The following PRKCB variants were observed in gnomAD, a reference collection of about 807,000 sequenced individuals.
The protein encoded by PRKCB is protein kinase C beta type.
A neutral mutation model predicts 81.5 loss-of-function variants in PRKCB; 13 were observed. That is an observed-to-expected ratio of 0.16 (90% CI 0.10 to 0.25). The LOEUF (loss-of-function observed/expected upper bound fraction) is 0.25. Ranked by LOEUF, PRKCB falls within the 10% of genes least tolerant of loss-of-function variation. The pLI, the probability that PRKCB is intolerant of heterozygous loss-of-function variation, is 1.00. For missense variants in PRKCB, 509 were observed against 875.7 expected (o/e 0.58, Z 5.29); for synonymous variants, 335 against 321.4 (o/e 1.04, Z -0.45).
intron 3 of PRKCB, among the ~76,000 whole-genome samples, chr16:24,011,519 T>G (rs921401130): frequency 6.6e-6 from 1 of 152,082 alleles, no homozygotes; most frequent in Non-Finnish European, 1.5e-5. Context: ...TTGTTTTGTT[T>G]TATTTTGTTT....
At chr16:23,843,790 CAAAAAAAAAAAAAAAAA>C (rs544908905) in intron 2 of PRKCB, among the ~76,000 whole-genome samples, 3 of 113,884 alleles carry the variant, frequency 2.6e-5, no homozygotes, top group East Asian at 4.7e-4. Context: ...GTATCTAGGC[CAAAAAAAAAAAAAAAAA>C]AAAAAAAAAA....
chr16:24,195,854 G>A (rs1407292247), intron 16 of PRKCB, among the ~76,000 whole-genome samples: 1 of 152,118 alleles, frequency 6.6e-6, no homozygotes, highest in Non-Finnish European at 1.5e-5. Context: ...TCCAAGAACA[G>A]CATTCCTGGG....
intron 2 of PRKCB, among the ~76,000 whole-genome samples, chr16:23,970,672 G>A (rs535901582): frequency 2.4e-3 from 366 of 152,252 alleles, no homozygotes; most frequent in African/African-American, 8.3e-3. Context: ...AAGGAATCAC[G>A]ATCACACTTT....
At chr16:24,085,836 T>C (rs1966305143) in intron 5 of PRKCB, among the ~76,000 whole-genome samples, 1 of 152,230 alleles carries the variant, frequency 6.6e-6, no homozygotes, top group Admixed American at 6.5e-5. Flanking sequence ...TTTCACTAGC[T>C]GTGGCTTGAC....
intron 3 of PRKCB, among the ~76,000 whole-genome samples, chr16:23,999,306 T>G (rs911427439): frequency 6.6e-6 from 1 of 152,230 alleles, no homozygotes; most frequent in Non-Finnish European, 1.5e-5. Context: ...CGATAAAGGA[T>G]GTGCTTGGTT....
At chr16:23,892,662 A>AT (rs1169021125) in intron 2 of PRKCB, among the ~76,000 whole-genome samples, 1 of 152,236 alleles carries the variant, frequency 6.6e-6, no homozygotes, top group Non-Finnish European at 1.5e-5. Context: ...TTCAATATAT[A>AT]GATTTTTGAG....
intron 7 of PRKCB, among the ~76,000 whole-genome samples, chr16:24,110,611 G>C (rs1966664406): frequency 6.7e-6 from 1 of 148,658 alleles, no homozygotes; most frequent in African/African-American, 2.6e-5. Context: ...TGACCTTCTG[G>C]ACTCAAGCGA....
In PRKCB at chr16:24,219,445, C is replaced by A. The variant is rs950098165; in HGVS notation, c.*4629C>A. The A allele has an allele frequency of 6.1e-6, 6 of 986,270 alleles. No individual in the cohort carries two copies. Among genetic ancestry groups the A allele is most frequent in the Non-Finnish European group, 7.2e-6 (6 of 830,652 alleles). 61.1% of individuals were successfully genotyped at this position (986,270 alleles called of 1,614,324 possible). ...TCAATTCCTTTCATTAAGCAGTGATCTGATTTCTCCACATGGCCATTCTGC... is the reference window on the plus strand; with the variant it reads ...TCAATTCCTTTCATTAAGCAGTGATATGATTTCTCCACATGGCCATTCTGC... On this transcript the variant is annotated 3_prime_UTR_variant, in exon 17 of 17. Transcript: ENST00000643927.
intron 2 of PRKCB, among the ~76,000 whole-genome samples, chr16:23,955,434 T>C (rs1477802681): frequency 1.3e-5 from 2 of 152,164 alleles, no homozygotes; most frequent in Non-Finnish European, 2.9e-5. Context: ...TCCTTTCTGA[T>C]AACTTCAATT....
chr16:23,976,620 C>A (rs1275455419), intron 2 of PRKCB, among the ~76,000 whole-genome samples: 1 of 152,182 alleles, frequency 6.6e-6, no homozygotes, highest in African/African-American at 2.4e-5. Context: ...GACATGCCAC[C>A]ACACTTGGTT....
intron 2 of PRKCB, among the ~76,000 whole-genome samples, chr16:23,841,649 C>CTTTTTTTTTTTTTTTT (rs59288831): frequency 1.7e-5 from 1 of 59,046 alleles, no homozygotes; most frequent in Non-Finnish European, 2.9e-5. Context: ...CACCACGGCC[C>CTTTTTTTTTTTTTTTT]TTTTTTTTTT....
chr16:24,121,369 T>G (rs1427720926), intron 8 of PRKCB, among the ~76,000 whole-genome samples: 1 of 152,090 alleles, frequency 6.6e-6, no homozygotes, highest in Non-Finnish European at 1.5e-5. Context: ...TCAACAAGAA[T>G]TTTTGATTTG....
At chr16:23,950,929 A>C (rs938845604) in intron 2 of PRKCB, among the ~76,000 whole-genome samples, 2 of 152,202 alleles carry the variant, frequency 1.3e-5, no homozygotes, top group South Asian at 4.1e-4. Flanking sequence ...AGTGACCAGC[A>C]TCAATGGGGT....
At chr16:24,035,359 A>T in intron 4 of PRKCB, 60 bp from the exon 5 acceptor site, 1 of 1,577,784 alleles carries the variant, frequency 6.3e-7, no homozygotes, top group Admixed American at 1.7e-5. Context: ...GGTGGGGCAG[A>T]TGTCTGCAGC....
At chr16:24,061,004 G>C (rs1281767632) in intron 5 of PRKCB, among the ~76,000 whole-genome samples, 1 of 151,924 alleles carries the variant, frequency 6.6e-6, no homozygotes, top group East Asian at 1.9e-4. Context: ...TGACTATTCT[G>C]TCTTGTTCAT....
At chr16:24,140,890 T>C (rs569647085) in intron 9 of PRKCB, among the ~76,000 whole-genome samples, 1 of 152,294 alleles carries the variant, frequency 6.6e-6, no homozygotes, top group African/African-American at 2.4e-5. Context: ...GGAAGGGCTG[T>C]TACCATGTAA....
chr16:24,063,792 AT>A (rs1966001566), intron 5 of PRKCB, among the ~76,000 whole-genome samples: 1 of 152,146 alleles, frequency 6.6e-6, no homozygotes, highest in African/African-American at 2.4e-5. Context: ...CATTCAGGGA[AT>A]TCTTAGGACT....
intron 2 of PRKCB, among the ~76,000 whole-genome samples, chr16:23,971,622 C>T (rs1964558019): frequency 6.6e-6 from 1 of 152,176 alleles, no homozygotes; most frequent in South Asian, 2.1e-4. Context: ...CCATCTCTGG[C>T]CCCGCTCTGT....
intron 3 of PRKCB, among the ~76,000 whole-genome samples, chr16:24,028,023 G>A (rs908865240): frequency 5.3e-5 from 8 of 152,102 alleles, no homozygotes; most frequent in Non-Finnish European, 7.3e-5. Flanking sequence ...CAGTCCTCCC[G>A]CCTTGGCCTC....
Sources: gnomAD v4.1 joint callset for allele counts (sites outside exome capture counted in the v4.1 genomes callset) on GRCh38, gnomAD v4.1.1 for gene constraint, MANE v1.5 for transcripts, NCBI Gene and HGNC (gene_info 2026-07-23, HGNC 2026-07-21) for gene names.